Variants in LMNTD1 observed in about 807,000 individuals in gnomAD.
LMNTD1 encodes lamin tail domain-containing protein 1.
A neutral mutation model predicts 50.9 loss-of-function variants in LMNTD1; 35 were observed. The observed-to-expected ratio is 0.69, with a 90% CI of 0.53 to 0.91. LMNTD1 has a LOEUF of 0.91. LMNTD1 is among the 40% of genes least tolerant of loss of function. The pLI is 0.00. For missense variants in LMNTD1, 470 were observed against 475.5 expected, an observed-to-expected ratio of 0.99 and a Z score of 0.11; for synonymous variants, 153 against 161.9, an observed-to-expected ratio of 0.94 and a Z score of 0.42.
At chr12:25,603,785 CCTGT>C (rs1946033903) in intron 1 of LMNTD1, among the ~76,000 whole-genome samples, 1 of 151,824 alleles carries the variant, frequency 6.6e-6, no homozygotes, top group African/African-American at 2.4e-5. Context: ...TGGAATAGAA[CCTGT>C]CTATTTGTGG....
At chr12:25,563,552 C>T (rs1460865424) in intron 1 of LMNTD1, among the ~76,000 whole-genome samples, 1 of 152,310 alleles carries the variant, frequency 6.6e-6, no homozygotes, top group South Asian at 2.1e-4. Flanking sequence ...TCAATTGGCC[C>T]CTACTGGGAG....
chr12:25,569,243 G>A (rs1425328241), intron 1 of LMNTD1, among the ~76,000 whole-genome samples: 3 of 152,348 alleles, frequency 2.0e-5, no homozygotes, highest in Non-Finnish European at 4.4e-5. Flanking sequence ...AGATTATTTT[G>A]GAGCTTTAAA....
At chr12:25,583,188 AT>A (rs10699058) in intron 1 of LMNTD1, among the ~76,000 whole-genome samples, 7 of 139,206 alleles carry the variant, frequency 5.0e-5, no homozygotes, top group African/African-American at 1.3e-4. Context: ...CGCCTGGCTA[AT>A]TTTTTTTTTT....
At chr12:25,538,961 T>C (rs1942842919) in intron 4 of LMNTD1, among the ~76,000 whole-genome samples, 1 of 147,538 alleles carries the variant, frequency 6.8e-6, no homozygotes, top group South Asian at 2.2e-4. Context: ...CCAACAAAGA[T>C]CAAAAGAGAC....
At chr12:25,576,744 T>C (rs1274888532) in intron 1 of LMNTD1, among the ~76,000 whole-genome samples, 1 of 152,248 alleles carries the variant, frequency 6.6e-6, no homozygotes. Context: ...GCTTTTGGTG[T>C]TTTAGTCATG....
intron 1 of LMNTD1, among the ~76,000 whole-genome samples, chr12:25,628,190 A>C (rs1190535453): frequency 6.7e-6 from 1 of 150,118 alleles, no homozygotes; most frequent in Non-Finnish European, 1.5e-5. Flanking sequence ...TGAATTGCAT[A>C]TATTACTTGA....
chr12:25,514,392 A>T (rs1315977816), intron 8 of LMNTD1, among the ~76,000 whole-genome samples: 12 of 152,192 alleles, frequency 7.9e-5, no homozygotes, highest in Non-Finnish European at 1.3e-4. Flanking sequence ...CAAATTGGAA[A>T]AACTATCATA....
chr12:25,577,820 A>G (rs897523910), intron 1 of LMNTD1, among the ~76,000 whole-genome samples: 1 of 151,968 alleles, frequency 6.6e-6, no homozygotes, highest in African/African-American at 2.4e-5. Flanking sequence ...GCCCAGCTCT[A>G]TTTTCTAAGT....
chr12:25,553,017 G>A, intron 1 of LMNTD1, 28 bp from the exon 2 acceptor site: 1 of 1,604,706 alleles, frequency 6.2e-7, no homozygotes, highest in Non-Finnish European at 8.5e-7. Context: ...GACATCAGAT[G>A]ACGAATATGG....
rs536860342 is a variant in LMNTD1, at chr12:25,575,537, T to C, written c.59-28983A>G. Among the ~76,000 whole-genome samples, 11 of 152,290 alleles carry C rather than the reference T, an allele frequency of 7.2e-5. No homozygotes were observed. In the South Asian group the frequency reaches 1.9e-3, roughly 26 times the overall value. On this transcript the variant is annotated intron_variant, in intron 1 of 7. Transcript: ENST00000445693. ...AAATGTCATCTTAGAACTAATGCTG[T>C]ATGTTGCTTCCATTAAAGACAAAGA...
chr12:25,565,971 TGG>T lies in LMNTD1; in HGVS notation c.59-19419_59-19418del, dbSNP rs141989654. ...CTGAAAAGTCTGCTGCCAGGCATATTGGAGCTCCATTGTAGGTTATTTCTTTT... is the reference window on the plus strand; with the variant it reads ...CTGAAAAGTCTGCTGCCAGGCATATTAGCTCCATTGTAGGTTATTTCTTTT... On this transcript the variant is annotated intron_variant, in intron 1 of 7. Transcript: ENST00000445693. 5.5e-3 allele frequency among the ~76,000 whole-genome samples: 838 copies of T among 152,312 alleles called. 20 individuals carry two copies. The East Asian group carries it at 0.071, about 13-fold the overall frequency.
chr12:25,591,858 A>AGAGAGAGAGAGAGAGG (rs1945710122), intron 1 of LMNTD1, among the ~76,000 whole-genome samples: 1 of 146,020 alleles, frequency 6.8e-6, no homozygotes, highest in Non-Finnish European at 1.5e-5. Context: ...AGAGAGAGAG[A>AGAGAGAGAGAGAGAGG]CTCTATTTAT....
chr12:25,520,387 C>T (rs575130400), intron 6 of LMNTD1, among the ~76,000 whole-genome samples: 59 of 152,028 alleles, frequency 3.9e-4, no homozygotes, highest in Admixed American at 3.6e-3. Context: ...CTATTTCCTC[C>T]CCTGCTCCCA....
At chr12:25,569,146 G>A (rs955348378) in intron 1 of LMNTD1, among the ~76,000 whole-genome samples, 9 of 152,222 alleles carry the variant, frequency 5.9e-5, no homozygotes, top group African/African-American at 2.2e-4. Context: ...GCTGCACCCG[G>A]CAAAGCCATG....
intron 9 of LMNTD1, among the ~76,000 whole-genome samples, chr12:25,483,179 C>G (rs1271993718): frequency 6.6e-6 from 1 of 151,710 alleles, no homozygotes; most frequent in East Asian, 1.9e-4. Context: ...AATCTCAGCA[C>G]TTTGGGAGGC....
chr12:25,523,608 C>A (rs548395845), intron 6 of LMNTD1, among the ~76,000 whole-genome samples: 1 of 152,124 alleles, frequency 6.6e-6, no homozygotes, highest in East Asian at 1.9e-4. Context: ...GGAAAATTTA[C>A]CTGGCGGTTG....
intron 4 of LMNTD1, among the ~76,000 whole-genome samples, chr12:25,542,164 C>T (rs534250941): frequency 1.8e-4 from 27 of 151,992 alleles, no homozygotes; most frequent in South Asian, 6.3e-4. Context: ...GTCAGTGTGG[C>T]GATTCCTCAG....
rs576179365 is a variant in LMNTD1, at chr12:25,603,522, A to G, written c.58+44972T>C. Among the ~76,000 whole-genome samples the G allele has an allele frequency of 1.0e-3, 153 of 152,218 alleles. 1 individual carries two copies. Among genetic ancestry groups the G allele is most frequent in the African/African-American group, 3.5e-3 (147 of 41,554 alleles). On this transcript the variant is annotated intron_variant, in intron 1 of 7. Transcript: ENST00000445693. ...TAATTAGGAAATAAGTTCTAGAACC[A>G]GATTAATACACCTTTTTTAAGTTGG...
At chr12:25,485,124 G>T (rs1591817600) in intron 9 of LMNTD1, among the ~76,000 whole-genome samples, 1 of 147,554 alleles carries the variant, frequency 6.8e-6, no homozygotes. Flanking sequence ...CCCACCAACA[G>T]TGTAAAAGTG....
Sources: gnomAD v4.1 joint callset for allele counts (sites outside exome capture counted in the v4.1 genomes callset) on GRCh38, gnomAD v4.1.1 for gene constraint, MANE v1.5 for transcripts, NCBI Gene and HGNC (gene_info 2026-07-23, HGNC 2026-07-21) for gene names.